The following SCN2A variants were observed in gnomAD, a reference collection of about 807,000 sequenced individuals.
SCN2A encodes sodium voltage-gated channel alpha subunit 2.
A neutral mutation model predicts 188.7 loss-of-function variants in SCN2A; 20 were observed. The observed-to-expected ratio is 0.11, with a 90% CI of 0.07 to 0.15. The LOEUF is 0.15. SCN2A is among the 10% of genes least tolerant of loss of function. The pLI, the probability that SCN2A is intolerant of heterozygous loss-of-function variation, is 1.00. For missense variants in SCN2A, 1,278 were observed against 2,445.0 expected (o/e 0.52, Z 10.07); for synonymous variants, 804 against 833.1 (o/e 0.97, Z 0.60).
chr2:165,253,378 T>A (rs903139307), intron 1 of SCN2A, among the ~76,000 whole-genome samples: 6 of 152,130 alleles, frequency 3.9e-5, no homozygotes, highest in Admixed American at 3.9e-4. Flanking sequence ...TGTGATAATA[T>A]CATTGAGAGG....
rs1277341116 is a variant in SCN2A, at chr2:165,370,154, G to A, written c.3704G>A (p.Arg1235Gln). The A allele has an allele frequency of 3.1e-6, 5 of 1,613,780 alleles. No individual in the cohort carries two copies. Among genetic ancestry groups the A allele is most frequent in the Admixed American group, 1.7e-5 (1 of 59,990 alleles). ...TTTGAAGATATATACATTGAGCAGCGAAAAACCATTAAGACCATGTTAGAA... is the reference window on the plus strand; with the variant it reads ...TTTGAAGATATATACATTGAGCAGCAAAAAACCATTAAGACCATGTTAGAA... Reference protein sequence around the residue: ...LAFEDIYIEQRKTIKTMLEYA... With the variant: ...LAFEDIYIEQQKTIKTMLEYA... Residue 1235 changes from arginine (R) to glutamine (Q), a missense_variant, in exon 20 of 27, where the codon CGA becomes CAA. Around this residue, in one of 17 missense-constraint regions of SCN2A, gnomAD observed 228 missense variants for 297.3 expected, o/e 0.77. Transcript: ENST00000375437.
At chr2:165,313,534 C>T (rs1697555584) in intron 8 of SCN2A, 86 bp from the exon 9 acceptor site, 20 of 1,523,356 alleles carry the variant, frequency 1.3e-5, no homozygotes, top group Non-Finnish European at 1.8e-5. Context: ...CTGTATAAAA[C>T]AGACATTGGC....
chr2:165,385,977 T>C (rs143875448), intron 25 of SCN2A, among the ~76,000 whole-genome samples: 1 of 152,218 alleles, frequency 6.6e-6, no homozygotes, highest in Non-Finnish European at 1.5e-5. Flanking sequence ...AATACGTGAG[T>C]TTATAAAACC....
rs142126534 is a variant in SCN2A, at chr2:165,257,831, C to T, written c.-52+18191C>T. ...GGGATAACAGGCGTGAGCCACCACA[C>T]CCAGCCTCATTGTGGTTTTGATTTG... On this transcript the variant is annotated intron_variant, in intron 1 of 26. Coordinates refer to ENST00000375437, the MANE Select transcript of SCN2A (RefSeq NM_001040142.2). Among the ~76,000 whole-genome samples the T allele has an allele frequency of 9.5e-3, 1,446 of 152,274 alleles. 24 individuals carry two copies. The highest frequency in any genetic ancestry group is 0.033 in the African/African-American group (1,370 of 41,550).
At chr2:165,365,029 A>C in intron 17 of SCN2A, 114 bp from the exon 18 acceptor site, 1 of 1,031,880 alleles carries the variant, frequency 9.7e-7, no homozygotes, top group African/African-American at 1.6e-5. Flanking sequence ...AAGTTCTTAA[A>C]TTACAGATCA....
At chr2:165,342,576 A>C (rs3816002) in intron 15 of SCN2A, 107 bp downstream of exon 15, 1 of 1,229,662 alleles carries the variant, frequency 8.1e-7, no homozygotes, top group African/African-American at 1.5e-5. Context: ...TTATTTGAAT[A>C]CACTTCTAAA....
chr2:165,355,431 ACCTGTTG>A (rs777132010), intron 17 of SCN2A, among the ~76,000 whole-genome samples: 3 of 152,198 alleles, frequency 2.0e-5, no homozygotes, highest in Admixed American at 2.0e-4. Context: ...TTTGCTATTA[ACCTGTTG>A]CTCAATAAGT....
chr2:165,330,339 G>C (rs966178314), intron 13 of SCN2A, among the ~76,000 whole-genome samples: 1 of 152,164 alleles, frequency 6.6e-6, no homozygotes, highest in African/African-American at 2.4e-5. Flanking sequence ...CTCATAAGTT[G>C]ATGAAGAGAT....
At chr2:165,359,658 T>C (rs1303214356) in intron 17 of SCN2A, among the ~76,000 whole-genome samples, 3 of 152,140 alleles carry the variant, frequency 2.0e-5, no homozygotes, top group South Asian at 4.1e-4. Flanking sequence ...GCGTAAGCAA[T>C]GGTGGAATGG....
At chr2:165,246,049 CA>C (rs201674466) in intron 1 of SCN2A, among the ~76,000 whole-genome samples, 4 of 149,474 alleles carry the variant, frequency 2.7e-5, no homozygotes, top group East Asian at 1.9e-4. Context: ...CAACTGTGTG[CA>C]AAAAAAAACT....
At position 165,365,125 on chromosome 2, in the gene SCN2A, T is replaced by G; in HGVS notation, c.3400-18T>G. ...AAGAAAATAATTAAATGTGTTTTTT[T>G]GTGGGATTGATTTTCAGAAGCTAAA... On this transcript the variant is annotated intron_variant, in intron 17 of 26. Coordinates refer to ENST00000375437, the MANE Select transcript of SCN2A (RefSeq NM_001040142.2). 6.2e-7 allele frequency: 1 copy of G among 1,610,276 alleles called. No individual in the cohort carries two copies. Among genetic ancestry groups the G allele is most frequent in the East Asian group, 2.2e-5 (1 of 44,792 alleles).
At chr2:165,268,130 C>T (rs996847127) in intron 1 of SCN2A, 13 of 151,828 alleles carry the variant, frequency 8.6e-5, no homozygotes, top group African/African-American at 3.1e-4. Context: ...TGGTACCAAC[C>T]CTACTGCAAC....
chr2:165,391,292 A>G lies in SCN2A; in HGVS notation c.*1468A>G, dbSNP rs1258955389. ...CCTTAATTGAACACTCAATGATGAA[A>G]AGCCCGACTGTACAAACATGTTGCA... is the stretch of plus-strand genomic sequence containing the variant. On this transcript the variant is annotated 3_prime_UTR_variant, in exon 27 of 27. Coordinates refer to ENST00000375437, the MANE Select transcript of SCN2A (RefSeq NM_001040142.2). 2 of 152,546 alleles carry G rather than the reference A, an allele frequency of 1.3e-5. No individual in the cohort carries two copies. Among genetic ancestry groups the G allele is most frequent in the Non-Finnish European group, 2.9e-5 (2 of 68,004 alleles). The allele number at this position is 152,546 out of a possible 1,614,324, so 9.4% of individuals were successfully genotyped here.
chr2:165,337,756 AAAAGCTGTT>A (rs1438125596), intron 14 of SCN2A, among the ~76,000 whole-genome samples: 1 of 149,122 alleles, frequency 6.7e-6, no homozygotes, highest in Admixed American at 6.6e-5. Context: ...AAAAACCTAA[AAAAGCTGTT>A]ACCACCAGAA....
intron 1 of SCN2A, chr2:165,269,440 G>C (rs867539923): frequency 3.3e-5 from 5 of 151,966 alleles, no homozygotes; most frequent in Non-Finnish European, 5.9e-5. Context: ...CCAAATTCAG[G>C]CTTCCCTACT....
At chr2:165,295,120 C>G (rs1168739058) in intron 1 of SCN2A, among the ~76,000 whole-genome samples, 2 of 152,178 alleles carry the variant, frequency 1.3e-5, no homozygotes, top group Non-Finnish European at 2.9e-5. Flanking sequence ...GGAGCTGGGT[C>G]CCTTCCTGTG....
intron 11 of SCN2A, among the ~76,000 whole-genome samples, chr2:165,317,674 A>G (rs1229138949): frequency 2.6e-5 from 4 of 152,112 alleles, no homozygotes; most frequent in Non-Finnish European, 5.9e-5. Context: ...GTTCATAGAT[A>G]TGATATTCTC....
chr2:165,308,842 G>A, intron 5 of SCN2A, 48 bp downstream of exon 5: 11 of 1,608,318 alleles, frequency 6.8e-6, no homozygotes, highest in Non-Finnish European at 9.4e-6. Flanking sequence ...AATCACTGGT[G>A]GGAGCCTATA....
chr2:165,260,093 G>A (rs1031195188), intron 1 of SCN2A, among the ~76,000 whole-genome samples: 7 of 151,696 alleles, frequency 4.6e-5, no homozygotes, highest in African/African-American at 9.7e-5. Context: ...ACAGGCGCCC[G>A]CCACCATGCC....
Sources: allele counts gnomAD v4.1 joint callset (sites outside exome capture counted in the v4.1 genomes callset), GRCh38; gene constraint gnomAD v4.1.1; regional missense constraint gnomAD v4.1.1; transcripts MANE v1.5; gene names NCBI Gene and HGNC (gene_info 2026-07-23, HGNC 2026-07-21).